Variants in PRKDC observed in about 807,000 individuals in gnomAD.
The protein encoded by PRKDC is protein kinase, DNA-activated, catalytic subunit.
A neutral mutation model predicts 486.9 loss-of-function variants in PRKDC; 82 were observed. That is an observed-to-expected ratio of 0.17 (90% CI 0.14 to 0.20). The LOEUF (loss-of-function observed/expected upper bound fraction) is 0.20. PRKDC is among the 10% of genes least tolerant of loss of function. The pLI is 1.00. For synonymous variants in PRKDC, 1,895 were observed against 1,837.0 expected (o/e 1.03, Z -0.81); for missense variants, 4,504 against 5,038.2 (o/e 0.89, Z 3.21).
chr8:47,849,113 T>C (rs1431346789), intron 54 of PRKDC, 41 bp downstream of exon 54: 1 of 1,600,414 alleles, frequency 6.2e-7, no homozygotes, highest in Non-Finnish European at 8.5e-7. Flanking sequence ...TAACGCTTTA[T>C]GAGCCAGTGG....
chr8:47,871,210 G>A (rs1362893951), intron 40 of PRKDC, among the ~76,000 whole-genome samples: 1 of 152,132 alleles, frequency 6.6e-6, no homozygotes, highest in African/African-American at 2.4e-5. Flanking sequence ...TATTGAGAAA[G>A]ATAGCAATAT....
At chr8:47,783,264 T>A in intron 78 of PRKDC, among the ~76,000 whole-genome samples, 1 of 125,534 alleles carries the variant, frequency 8.0e-6, no homozygotes, top group Admixed American at 9.7e-5. Context: ...GCTGACAGAA[T>A]GAGACTCTTG....
chr8:47,928,354 T>C (rs541155800), intron 19 of PRKDC, among the ~76,000 whole-genome samples: 3 of 152,006 alleles, frequency 2.0e-5, no homozygotes, highest in African/African-American at 4.8e-5. Context: ...GATTTCGCCA[T>C]GTTGGCCAGG....
intron 21 of PRKDC, 83 bp from the exon 22 acceptor site, chr8:47,918,466 C>A: frequency 4.3e-6 from 3 of 689,936 alleles, no homozygotes; most frequent in South Asian, 9.6e-5. Context: ...ACTATATTGT[C>A]AAATAGAAAC....
chr8:47,779,403 C>G (rs2154497384), intron 80 of PRKDC: 2 of 223,192 alleles, frequency 9.0e-6, no homozygotes, highest in East Asian at 2.1e-4. Context: ...CTAAACATAA[C>G]TGTTTATTAA....
chr8:47,959,515 A>G (rs2090774730), intron 1 of PRKDC, among the ~76,000 whole-genome samples: 1 of 151,762 alleles, frequency 6.6e-6, no homozygotes. Context: ...CATCTCTACT[A>G]AAAATACAAA....
chr8:47,927,091 C>T (rs1429059250), intron 21 of PRKDC, 103 bp downstream of exon 21: 2 of 1,113,976 alleles, frequency 1.8e-6, no homozygotes, highest in East Asian at 2.7e-5. Flanking sequence ...TTTGAACACA[C>T]TGGGCTTAAA....
intron 30 of PRKDC, among the ~76,000 whole-genome samples, chr8:47,895,583 T>C (rs2154502055): frequency 6.6e-6 from 1 of 152,240 alleles, no homozygotes. Context: ...ACCAACATGC[T>C]ATCAGGGTCT....
chr8:47,954,147 T>C (rs924672198), intron 5 of PRKDC, among the ~76,000 whole-genome samples, 191 bp downstream of exon 5: 1 of 152,232 alleles, frequency 6.6e-6, no homozygotes, highest in Admixed American at 6.5e-5. Context: ...AATAATTTTG[T>C]AAAAATTAAC....
rs144964463 is a variant in PRKDC at position 47,801,129 on chromosome 8, C to T, written c.9923-143G>A. On this transcript the variant is annotated intron_variant, in intron 70 of 85. Coordinates refer to ENST00000314191, the MANE Select transcript of PRKDC (RefSeq NM_006904.7). ...CTCTGTTACCCAGGCTGGAGTGCAA[C>T]GACACGATTTTGGCTCACTGCAACC... The T allele has an allele frequency of 2.2e-3, 1,804 of 812,562 alleles. 19 individuals carry two copies. The African/African-American group carries it at 0.028, about 13-fold the overall frequency. 50.3% of individuals were successfully genotyped at this position (812,562 alleles called of 1,614,324 possible).
rs8178220 is a variant in PRKDC at position 47,800,568 on chromosome 8, CTGCACATTG to C, written c.10116+216_10116+224del. 3.8e-3 allele frequency among the ~76,000 whole-genome samples: 585 copies of C among 152,018 alleles called. 3 individuals are homozygous for C. Among genetic ancestry groups the C allele is most frequent in the South Asian group, 0.025 (120 of 4,806 alleles). ...GCACATGTATACATATGTAACTAACCTGCACATTGTGCACATGTACCCTAAAACTTAAAG... is the reference window on the plus strand; with the variant it reads ...GCACATGTATACATATGTAACTAACCTGCACATGTACCCTAAAACTTAAAG... On this transcript the variant is annotated intron_variant, in intron 71 of 85. Transcript: ENST00000314191.
intron 7 of PRKDC, 43 bp from the exon 8 acceptor site, chr8:47,944,072 T>C (rs2090489803): frequency 6.8e-7 from 1 of 1,467,024 alleles, no homozygotes; most frequent in Non-Finnish European, 9.3e-7. Context: ...GTAATAACAG[T>C]ATCACATAAC....
intron 25 of PRKDC, among the ~76,000 whole-genome samples, chr8:47,910,809 G>T (rs1202096881): frequency 6.0e-5 from 9 of 149,850 alleles, no homozygotes; most frequent in Non-Finnish European, 1.0e-4. Context: ...ATGTTTGCCT[G>T]GCACATTGAA....
chr8:47,930,417 C>T lies in PRKDC; in HGVS notation c.1892+255G>A, dbSNP rs1014946157. On this transcript the variant is annotated intron_variant, in intron 17 of 85. Transcript: ENST00000314191. ...CCTCCCGAGTAGCTGGGACTACAGG[C>T]GCCTGACACTATGCCCGGCGAATTT... is the stretch of plus-strand genomic sequence containing the variant. 7.2e-5 allele frequency among the ~76,000 whole-genome samples: 11 copies of T among 152,246 alleles called. No homozygotes were observed. In the South Asian group the frequency reaches 1.7e-3, roughly 23 times the overall value.
Position 47,820,955 on chromosome 8 carries a change from A to G in PRKDC, c.9112-12T>C. The G allele has an allele frequency of 6.6e-7, 1 of 1,518,294 alleles. No individual in the cohort carries two copies. The highest frequency in any genetic ancestry group is 8.9e-7 in the Non-Finnish European group (1 of 1,124,860). 94.1% of individuals were successfully genotyped at this position (1,518,294 alleles called of 1,614,324 possible). On this transcript the variant is annotated splice_polypyrimidine_tract_variant and intron_variant, in intron 65 of 85. Coordinates refer to ENST00000314191, the MANE Select transcript of PRKDC (RefSeq NM_006904.7). ...GGTAGATATGTTTCCTAAGGAACAT[A>G]AAAATATACTTGTAACTACAGAAGG...
At chr8:47,907,806 C>T (rs759110257) in intron 25 of PRKDC, among the ~76,000 whole-genome samples, 1 of 152,034 alleles carries the variant, frequency 6.6e-6, no homozygotes, top group Non-Finnish European at 1.5e-5. Context: ...TGTATATACA[C>T]GTGTAAAAAT....
chr8:47,877,785 G>A lies in PRKDC; in HGVS notation c.5302C>T (p.Arg1768Trp), dbSNP rs373058432. ...TCTTCCATGACATGCTGCTGTTCCC[G>A]ACAAAGAACTTCTGTCATCAATTCC... ...LLELMTEVLC[R>W]EQQHVMEELF... Residue 1768 changes from arginine (R) to tryptophan (W), a missense_variant, in exon 40 of 86, where the codon CGG becomes TGG. Around this residue, in one of 6 missense-constraint regions of PRKDC, gnomAD observed 1,969 missense variants for 2,068.9 expected, o/e 0.95. Coordinates refer to ENST00000314191, the MANE Select transcript of PRKDC (RefSeq NM_006904.7). 5 of 1,598,312 alleles carry A rather than the reference G, an allele frequency of 3.1e-6. No homozygotes were observed. The highest frequency in any genetic ancestry group is 4.3e-6 in the Non-Finnish European group (5 of 1,171,650).
chr8:47,862,446 A>G lies in PRKDC; in HGVS notation c.5846T>C (p.Ile1949Thr), dbSNP rs1446745472. 3.1e-6 allele frequency: 5 copies of G among 1,613,910 alleles called. No individual in the cohort carries two copies. The highest frequency in any genetic ancestry group is 1.3e-5 in the African/African-American group (1 of 74,936). The change falls in exon 43 of 86, where the codon ATA becomes ACA. Residue 1949 changes from isoleucine (I) to threonine (T), a missense_variant. Coordinates refer to ENST00000314191, the MANE Select transcript of PRKDC (RefSeq NM_006904.7). Reference protein sequence around the residue: ...LYHCAAYNCAISVICCVFNEL... With the variant: ...LYHCAAYNCATSVICCVFNEL... The stretch of plus-strand genomic sequence containing the variant: ...ATTGAAGACACAGCAGATGACAGAT[A>G]TGGCGCAGTTGTATGCTGCACAATG...
chr8:47,825,695 G>A (rs1424951404), intron 63 of PRKDC, among the ~76,000 whole-genome samples: 1 of 151,926 alleles, frequency 6.6e-6, no homozygotes, highest in Non-Finnish European at 1.5e-5. Context: ...TACCACTCCT[G>A]GAAATAGTAA....
Sources: gnomAD v4.1 joint callset for allele counts (sites outside exome capture counted in the v4.1 genomes callset) on GRCh38, gnomAD v4.1.1 for gene constraint, gnomAD v4.1.1 regional missense constraint, MANE v1.5 for transcripts, NCBI Gene and HGNC (gene_info 2026-07-23, HGNC 2026-07-21) for gene names.